ARB2A: variants seen among roughly 807,000 people sequenced by gnomAD.
The protein encoded by ARB2A is ARB2 cotranscriptional regulator A, also known as cotranscriptional regulator ARB2A.
the ARB2A span, among the ~76,000 whole-genome samples, chr5:93,851,596 C>T: frequency 3.3e-5 from 5 of 152,298 alleles, no homozygotes; most frequent in Middle Eastern, 0.014. Flanking sequence ...AAAGCTATCC[C>T]TCCCCGCTTC....
the ARB2A span, among the ~76,000 whole-genome samples, chr5:93,840,173 G>A: frequency 4.3e-4 from 65 of 152,112 alleles, no homozygotes; most frequent in African/African-American, 1.4e-3. Context: ...CTGCCTTAGC[G>A]GTGTCCCAGA....
At chr5:93,666,493 G>A in the ARB2A span, among the ~76,000 whole-genome samples, 4 of 150,704 alleles carry the variant, frequency 2.7e-5, no homozygotes, top group African/African-American at 7.3e-5. Context: ...GATCAAAATA[G>A]TGCTATATCC....
At chr5:93,994,055 C>T in the ARB2A span, among the ~76,000 whole-genome samples, 1 of 152,010 alleles carries the variant, frequency 6.6e-6, no homozygotes, top group Non-Finnish European at 1.5e-5. Context: ...CTGCTGTATA[C>T]TGTTGACGGG....
chr5:93,933,494 C>G, the ARB2A span, among the ~76,000 whole-genome samples: 1 of 152,100 alleles, frequency 6.6e-6, no homozygotes. Context: ...GAGTTCATGT[C>G]CTTTGCAGGG....
At chr5:94,075,881 A>C in the ARB2A span, among the ~76,000 whole-genome samples, 41 of 152,268 alleles carry the variant, frequency 2.7e-4, no homozygotes, top group African/African-American at 9.9e-4. Context: ...GTGCTATAAG[A>C]GAAAGGGCAC....
chr5:93,976,916 C>A, the ARB2A span, among the ~76,000 whole-genome samples: 1 of 151,680 alleles, frequency 6.6e-6, no homozygotes, highest in African/African-American at 2.4e-5. Flanking sequence ...ACTCTCAGGA[C>A]GGAAAATCGA....
the ARB2A span, among the ~76,000 whole-genome samples, chr5:93,897,384 G>C: frequency 6.6e-6 from 1 of 151,696 alleles, no homozygotes; most frequent in African/African-American, 2.4e-5. Flanking sequence ...TAAGCAAAGA[G>C]GACTAAAAAC....
the ARB2A span, among the ~76,000 whole-genome samples, chr5:94,065,874 G>C: frequency 6.6e-6 from 1 of 152,028 alleles, no homozygotes; most frequent in Admixed American, 6.6e-5. Flanking sequence ...AGATCAAATG[G>C]ACCAAACAGA....
chr5:93,711,308 G>C, the ARB2A span, among the ~76,000 whole-genome samples: 2 of 149,172 alleles, frequency 1.3e-5, no homozygotes, highest in African/African-American at 4.9e-5. Flanking sequence ...AATTTCTGAT[G>C]GGGTAAAACT....
At chr5:93,999,482 G>C in the ARB2A span, among the ~76,000 whole-genome samples, 1 of 151,976 alleles carries the variant, frequency 6.6e-6, no homozygotes, top group African/African-American at 2.4e-5. Context: ...AGAAGCCCTT[G>C]TGCTGCCCAG....
chr5:93,743,038 T>A, the ARB2A span: 1 of 152,208 alleles, frequency 6.6e-6, no homozygotes, highest in African/African-American at 2.4e-5. Context: ...TCCTAAAACA[T>A]CTGAAGTCTA....
the ARB2A span, among the ~76,000 whole-genome samples, chr5:94,066,668 G>A: frequency 6.6e-6 from 1 of 152,136 alleles, no homozygotes; most frequent in Non-Finnish European, 1.5e-5. Context: ...GACCAGTTGT[G>A]AGTAATGAGA....
the ARB2A span, among the ~76,000 whole-genome samples, chr5:93,926,607 G>A: frequency 2.0e-5 from 3 of 151,902 alleles, no homozygotes; most frequent in South Asian, 6.2e-4. Flanking sequence ...ATTCACCATG[G>A]AATGATAGTT....
the ARB2A span, among the ~76,000 whole-genome samples, chr5:93,720,719 T>C: frequency 6.6e-6 from 1 of 152,232 alleles, no homozygotes; most frequent in Non-Finnish European, 1.5e-5. Context: ...CGAATGCTAA[T>C]ATATTAACTT....
chr5:93,740,876 G>A, the ARB2A span: 2 of 1,613,960 alleles, frequency 1.2e-6, no homozygotes, highest in South Asian at 1.1e-5. Flanking sequence ...GGGCACCGCT[G>A]GAAGAATTTC....
the ARB2A span, among the ~76,000 whole-genome samples, chr5:93,654,275 G>C: frequency 6.6e-6 from 1 of 152,170 alleles, no homozygotes; most frequent in African/African-American, 2.4e-5. Context: ...CTGTGTAATA[G>C]TTGAAATTTG....
chr5:93,913,884 T>C, the ARB2A span, among the ~76,000 whole-genome samples: 2 of 151,984 alleles, frequency 1.3e-5, no homozygotes, highest in African/African-American at 2.4e-5. Context: ...ATAATTTTAA[T>C]CACACCAATT....
the ARB2A span, among the ~76,000 whole-genome samples, chr5:93,725,864 A>G: frequency 6.6e-6 from 1 of 152,092 alleles, no homozygotes; most frequent in African/African-American, 2.4e-5. Context: ...GGTCTGTGGT[A>G]CCAATGCCAG....
At chr5:93,762,376 A>G in the ARB2A span, among the ~76,000 whole-genome samples, 1 of 152,218 alleles carries the variant, frequency 6.6e-6, no homozygotes, top group Non-Finnish European at 1.5e-5. Context: ...GGAGCTGAAA[A>G]CCAAGGCATG....
Sources: gnomAD v4.1 joint callset for allele counts (sites outside exome capture counted in the v4.1 genomes callset) on GRCh38, gnomAD v4.1.1 for gene constraint, MANE v1.5 for transcripts, NCBI Gene and HGNC (gene_info 2026-07-23, HGNC 2026-07-21) for gene names.